The following EXOC4 variants were observed in gnomAD, a reference collection of about 807,000 sequenced individuals.
EXOC4 encodes exocyst complex component 4.
A neutral mutation model predicts 107.2 loss-of-function variants in EXOC4; 71 were observed. The observed-to-expected ratio is 0.66, with a 90% CI of 0.55 to 0.81. EXOC4 has a LOEUF of 0.81. EXOC4 is among the 30% of genes least tolerant of loss of function. The probability of loss-of-function intolerance (pLI) is 0.00; values close to 1 mark genes in which losing one functional copy is unlikely to be tolerated. For synonymous variants in EXOC4, 456 were observed against 441.2 expected, an observed-to-expected ratio of 1.03 and a Z score of -0.42; for missense variants, 1,108 against 1,189.6, an observed-to-expected ratio of 0.93 and a Z score of 1.01.
chr7:133,690,066 G>A (rs1794387252), intron 10 of EXOC4, among the ~76,000 whole-genome samples: 1 of 152,052 alleles, frequency 6.6e-6, no homozygotes, highest in African/African-American at 2.4e-5. Context: ...AGCTAAAACT[G>A]GCCTGTTTGG....
At chr7:133,697,062 A>G (rs1326466402) in intron 10 of EXOC4, among the ~76,000 whole-genome samples, 1 of 151,876 alleles carries the variant, frequency 6.6e-6, no homozygotes, top group Non-Finnish European at 1.5e-5. Context: ...TTACTCCTAC[A>G]CTCCATCCCT....
intron 11 of EXOC4, among the ~76,000 whole-genome samples, chr7:133,824,762 A>G (rs1797658479): frequency 1.3e-5 from 2 of 151,978 alleles, no homozygotes; most frequent in African/African-American, 4.8e-5. Context: ...CGTAACTGCA[A>G]TCTCTGTCTC....
intron 9 of EXOC4, among the ~76,000 whole-genome samples, chr7:133,558,216 C>CTTTTT (rs1259413504): frequency 4.4e-4 from 61 of 137,408 alleles, no homozygotes; most frequent in African/African-American, 6.6e-4. Flanking sequence ...CTTTTCTTTT[C>CTTTTT]TTTTCTTTTC....
chr7:133,681,534 C>A (rs1410926416), intron 10 of EXOC4, among the ~76,000 whole-genome samples: 1 of 152,156 alleles, frequency 6.6e-6, no homozygotes, highest in Non-Finnish European at 1.5e-5. Flanking sequence ...AGCTTACATT[C>A]AATGTTGTTA....
chr7:133,334,428 C>T (rs142440363), intron 5 of EXOC4, among the ~76,000 whole-genome samples: 1 of 152,190 alleles, frequency 6.6e-6, no homozygotes, highest in African/African-American at 2.4e-5. Context: ...CTGTTTCACT[C>T]TACAATATAT....
chr7:133,987,404 A>C (rs1249951201), intron 14 of EXOC4, among the ~76,000 whole-genome samples: 1 of 151,776 alleles, frequency 6.6e-6, no homozygotes, highest in Non-Finnish European at 1.5e-5. Context: ...AAAAAGAGAG[A>C]GAAAGAAAAG....
intron 9 of EXOC4, among the ~76,000 whole-genome samples, chr7:133,577,588 C>T (rs768108995): frequency 9.2e-5 from 14 of 152,132 alleles, no homozygotes; most frequent in Non-Finnish European, 1.8e-4. Context: ...ATCCTCTCAT[C>T]CTTGTTCAGT....
intron 5 of EXOC4, among the ~76,000 whole-genome samples, chr7:133,322,951 C>T (rs994552596): frequency 6.6e-6 from 1 of 152,130 alleles, no homozygotes; most frequent in African/African-American, 2.4e-5. Context: ...AGTTGTATCC[C>T]TAAGTATTTT....
At chr7:133,319,477 T>G (rs1795061726) in intron 5 of EXOC4, among the ~76,000 whole-genome samples, 1 of 152,158 alleles carries the variant, frequency 6.6e-6, no homozygotes, top group Non-Finnish European at 1.5e-5. Context: ...GAGATATGTA[T>G]AAACCTTTTA....
At chr7:133,943,859 C>A (rs1405609377) in intron 14 of EXOC4, among the ~76,000 whole-genome samples, 1 of 152,082 alleles carries the variant, frequency 6.6e-6, no homozygotes, top group Non-Finnish European at 1.5e-5. Context: ...CTATAGTGAC[C>A]CTTTTCCAGT....
At chr7:133,883,599 C>T (rs1487606846) in intron 11 of EXOC4, among the ~76,000 whole-genome samples, 1 of 151,690 alleles carries the variant, frequency 6.6e-6, no homozygotes, top group East Asian at 1.9e-4. Context: ...GCTATGATCA[C>T]ACTACTGCAC....
chr7:133,325,415 G>A (rs531826639), intron 5 of EXOC4, among the ~76,000 whole-genome samples: 4 of 152,276 alleles, frequency 2.6e-5, no homozygotes, highest in African/African-American at 9.6e-5. Context: ...GGTGGTGACA[G>A]AATCTCTCAG....
chr7:133,537,297 C>A (rs80079927), intron 9 of EXOC4, among the ~76,000 whole-genome samples: 12 of 81,238 alleles, frequency 1.5e-4, no homozygotes, highest in Non-Finnish European at 2.3e-4. Context: ...ATTACAGGCA[C>A]CCCCCCCCCC....
Position 133,289,006 on chromosome 7 carries a change from C to T in EXOC4, c.361C>T (p.His121Tyr). The T allele has an allele frequency of 6.2e-7, 1 of 1,614,188 alleles. No individual in the cohort carries two copies. Among genetic ancestry groups the T allele is most frequent in the Non-Finnish European group, 8.5e-7 (1 of 1,180,008 alleles). ...GAAACTGTGGATTGAAGGAATTGAGCATAAGCATGTCCTGAACTTGTTGGA... is the reference window on the plus strand; with the variant it reads ...GAAACTGTGGATTGAAGGAATTGAGTATAAGCATGTCCTGAACTTGTTGGA... ...LRKLWIEGIE[H>Y]KHVLNLLDEI... The change falls in exon 3 of 18, where the codon CAT (histidine) becomes TAT (tyrosine). Residue 121 changes from histidine (H) to tyrosine (Y), a missense_variant. Transcript: ENST00000253861.
At chr7:133,854,467 G>A (rs763560862) in intron 11 of EXOC4, among the ~76,000 whole-genome samples, 1 of 150,442 alleles carries the variant, frequency 6.6e-6, no homozygotes, top group Non-Finnish European at 1.5e-5. Context: ...TTAATCCTGT[G>A]CTTCACATGC....
intron 11 of EXOC4, among the ~76,000 whole-genome samples, chr7:133,827,659 C>G (rs1797732160): frequency 6.6e-6 from 1 of 152,086 alleles, no homozygotes; most frequent in African/African-American, 2.4e-5. Context: ...TGAATGTTTT[C>G]TTCAACAATC....
At chr7:133,598,705 C>A (rs180926575) in intron 9 of EXOC4, among the ~76,000 whole-genome samples, 1 of 151,946 alleles carries the variant, frequency 6.6e-6, no homozygotes, top group Non-Finnish European at 1.5e-5. Context: ...CAAACTGGGC[C>A]GGGTGTGGTG....
chr7:133,519,816 T>C (rs965269887), intron 9 of EXOC4, among the ~76,000 whole-genome samples: 6 of 152,138 alleles, frequency 3.9e-5, no homozygotes, highest in African/African-American at 1.4e-4. Context: ...ATCAGATCAA[T>C]GGAAATGAAT....
rs571623361 is a variant in EXOC4, at chr7:134,059,998, G to A, written c.2688-4293G>A. ...CAGAATGTATGGGGGAGAAAGAGTC[G>A]CAGTGCAATACCATTAAAATAAAGC... On this transcript the variant is annotated intron_variant, in intron 17 of 17. Coordinates refer to ENST00000253861, the MANE Select transcript of EXOC4 (RefSeq NM_021807.4). 3.7e-4 allele frequency among the ~76,000 whole-genome samples: 57 copies of A among 152,138 alleles called. No individual in the cohort carries two copies. In the South Asian group the frequency reaches 4.8e-3, roughly 13 times the overall value.
Sources: allele counts gnomAD v4.1 joint callset (sites outside exome capture counted in the v4.1 genomes callset), GRCh38; gene constraint gnomAD v4.1.1; transcripts MANE v1.5; gene names NCBI Gene and HGNC (gene_info 2026-07-23, HGNC 2026-07-21).